THEMIS: variants seen among roughly 807,000 people sequenced by gnomAD.
THEMIS encodes the protein protein THEMIS.
In THEMIS, 37 loss-of-function variants were observed where a neutral mutation model predicts 52.6. The observed-to-expected ratio is 0.70, with a 90% CI of 0.54 to 0.93. The LOEUF (loss-of-function observed/expected upper bound fraction) is 0.93, where lower values mean the gene tolerates loss of function less well. Among genes scored for constraint, THEMIS ranks in the 40% least tolerant of loss-of-function variants. The pLI, the probability that THEMIS is intolerant of heterozygous loss-of-function variation, is 0.00. For missense variants in THEMIS, 808 were observed against 763.1 expected (o/e 1.06, Z -0.69); for synonymous variants, 292 against 272.7 (o/e 1.07, Z -0.70).
At chr6:127,721,194 G>T (rs779972799) in intron 4 of THEMIS, among the ~76,000 whole-genome samples, 1 of 152,026 alleles carries the variant, frequency 6.6e-6, no homozygotes, top group Non-Finnish European at 1.5e-5. Context: ...AGCCAGAGGA[G>T]CCCCAGACGT....
chr6:127,779,208 C>T (rs960252841), intron 4 of THEMIS, among the ~76,000 whole-genome samples: 1 of 152,146 alleles, frequency 6.6e-6, no homozygotes, highest in African/African-American at 2.4e-5. Context: ...ACTTTATCAT[C>T]TTTCAGAAGG....
intron 4 of THEMIS, among the ~76,000 whole-genome samples, chr6:127,756,918 A>C (rs1450524184): frequency 1.3e-5 from 2 of 152,228 alleles, no homozygotes; most frequent in Non-Finnish European, 2.9e-5. Context: ...GGTGGCAAAA[A>C]TAATAAATTA....
chr6:127,893,461 A>G (rs143917935), intron 1 of THEMIS, among the ~76,000 whole-genome samples: 1 of 152,288 alleles, frequency 6.6e-6, no homozygotes, highest in East Asian at 1.9e-4. Context: ...CAAAGGACAA[A>G]TGTTCAATGT....
intron 4 of THEMIS, among the ~76,000 whole-genome samples, chr6:127,759,941 G>A (rs907261748): frequency 1.1e-4 from 16 of 148,092 alleles, no homozygotes; most frequent in African/African-American, 3.0e-4. Flanking sequence ...GGTAACCAAA[G>A]GGATCATTCT....
At chr6:127,772,744 A>C (rs1239770331) in intron 4 of THEMIS, among the ~76,000 whole-genome samples, 4 of 152,146 alleles carry the variant, frequency 2.6e-5, no homozygotes, top group South Asian at 4.1e-4. Context: ...GAAAACAAAT[A>C]TCTCTCAAAT....
intron 2 of THEMIS, among the ~76,000 whole-genome samples, chr6:127,833,977 GAATATAAAAT>G (rs1778787915): frequency 6.6e-6 from 1 of 152,092 alleles, no homozygotes; most frequent in Non-Finnish European, 1.5e-5. Context: ...CAAAGTATTG[GAATATAAAAT>G]AATAATAGTC....
chr6:127,820,625 A>G (rs989143159), intron 3 of THEMIS, among the ~76,000 whole-genome samples: 1 of 152,056 alleles, frequency 6.6e-6, no homozygotes, highest in East Asian at 1.9e-4. Context: ...TGATAACTCA[A>G]TGGGAGAAGA....
intron 4 of THEMIS, among the ~76,000 whole-genome samples, chr6:127,725,220 G>T (rs992567188): frequency 3.9e-4 from 59 of 152,148 alleles, no homozygotes; most frequent in African/African-American, 1.3e-3. Flanking sequence ...CTTAAGTGAA[G>T]AAATTTCAAG....
chr6:127,737,599 T>A (rs1026747320), intron 4 of THEMIS, among the ~76,000 whole-genome samples: 13 of 152,386 alleles, frequency 8.5e-5, no homozygotes, highest in African/African-American at 2.6e-4. Flanking sequence ...TTACCTTTTT[T>A]AATACATATT....
chr6:127,765,735 C>T (rs957401679), intron 4 of THEMIS, among the ~76,000 whole-genome samples: 1 of 151,980 alleles, frequency 6.6e-6, no homozygotes, highest in South Asian at 2.1e-4. Context: ...GTATTCAGTA[C>T]AATAACATAA....
At chr6:127,806,026 A>G (rs1169847864) in intron 4 of THEMIS, among the ~76,000 whole-genome samples, 1 of 152,066 alleles carries the variant, frequency 6.6e-6, no homozygotes, top group Non-Finnish European at 1.5e-5. Flanking sequence ...ATATCTAGTG[A>G]GCCCACACTC....
At chr6:127,830,942 C>T (rs1778681124) in intron 2 of THEMIS, among the ~76,000 whole-genome samples, 1 of 152,044 alleles carries the variant, frequency 6.6e-6, no homozygotes, top group Admixed American at 6.6e-5. Flanking sequence ...CAGAATTTAC[C>T]AAATTTCTTT....
At chr6:127,815,562 G>T (rs1243156004) in intron 3 of THEMIS, among the ~76,000 whole-genome samples, 2 of 152,032 alleles carry the variant, frequency 1.3e-5, no homozygotes, top group Non-Finnish European at 2.9e-5. Flanking sequence ...CTAAAGATCT[G>T]CAAAATTGTA....
chr6:127,791,761 T>G (rs1434448428), intron 4 of THEMIS, among the ~76,000 whole-genome samples: 1 of 152,118 alleles, frequency 6.6e-6, no homozygotes, highest in Non-Finnish European at 1.5e-5. Flanking sequence ...CCTCCCATGT[T>G]TGTGAGCACC....
Position 127,719,510 on chromosome 6 carries a change from G to A in THEMIS, c.1894+178C>T, listed in dbSNP as rs142482568. On this transcript the variant is annotated intron_variant, in intron 5 of 5. Coordinates refer to ENST00000368248, the MANE Select transcript of THEMIS (RefSeq NM_001010923.3). ...ATAAACATTACTATTATTATTGTGA[G>A]TGTTCAATATCATGCTTCACATAAA... 1.7e-4 allele frequency among the ~76,000 whole-genome samples: 26 copies of A among 152,034 alleles called. 1 individual carries two copies. The East Asian group carries it at 4.5e-3, about 26-fold the overall frequency.
chr6:127,786,056 T>C (rs1776937921), intron 4 of THEMIS, among the ~76,000 whole-genome samples: 1 of 152,022 alleles, frequency 6.6e-6, no homozygotes, highest in South Asian at 2.1e-4. Context: ...TTATAAAACA[T>C]TAATGACTTT....
chr6:127,861,291 A>G (rs998449573), intron 1 of THEMIS, among the ~76,000 whole-genome samples: 1 of 152,178 alleles, frequency 6.6e-6, no homozygotes, highest in Non-Finnish European at 1.5e-5. Context: ...GCCATTTAAA[A>G]CCATAAACTT....
chr6:127,862,272 T>C (rs975884602), intron 1 of THEMIS, among the ~76,000 whole-genome samples: 2 of 152,032 alleles, frequency 1.3e-5, no homozygotes, highest in African/African-American at 4.8e-5. Flanking sequence ...ATAATTCTAA[T>C]TGCAAGTTAT....
chr6:127,862,736 A>G (rs972614605), intron 1 of THEMIS, among the ~76,000 whole-genome samples: 5 of 151,972 alleles, frequency 3.3e-5, no homozygotes, highest in African/African-American at 9.7e-5. Context: ...GATGAATTCT[A>G]TGCATTCTAC....
Sources: allele counts gnomAD v4.1 joint callset (sites outside exome capture counted in the v4.1 genomes callset), GRCh38; gene constraint gnomAD v4.1.1; transcripts MANE v1.5; gene names NCBI Gene and HGNC (gene_info 2026-07-23, HGNC 2026-07-21).